The following TUBA4B variants were observed in gnomAD, a reference collection of about 807,000 sequenced individuals.
The protein encoded by TUBA4B is tubulin alpha 4b.
In TUBA4B, 13 loss-of-function variants were observed where a neutral mutation model predicts 18.4. The ratio of observed to expected loss-of-function variants is 0.71; its 90% CI spans 0.46 to 1.12. The LOEUF (loss-of-function observed/expected upper bound fraction) is 1.12, where lower values mean the gene tolerates loss of function less well. Among genes scored for constraint, TUBA4B ranks in the 50% most tolerant of loss-of-function variants. The pLI, the probability that TUBA4B is intolerant of heterozygous loss-of-function variation, is 0.00. For missense variants in TUBA4B, 244 were observed against 250.0 expected, an observed-to-expected ratio of 0.98 and a Z score of 0.16; for synonymous variants, 101 against 99.1, an observed-to-expected ratio of 1.02 and a Z score of -0.11.
At position 219,271,217 on chromosome 2, in the gene TUBA4B, C is replaced by T. The variant is rs771380611; in HGVS notation, c.244C>T (p.Arg82Trp). The change falls in exon 4 of 4, where the codon CGG becomes TGG. Residue 82 changes from arginine (R) to tryptophan (W), a missense_variant. Arg to Trp is a moderately radical substitution (Grantham distance 101). Transcript: ENST00000490341. ...CTTCCTGGTGTTCCACAGCCTTGGT[C>T]GGGGCACTGGCTCTGACGTCACCTC... is the stretch of plus-strand genomic sequence containing the variant. ...QGFLVFHSLG[R>W]GTGSDVTSFL... is the part of the protein sequence containing the mutation. 4.5e-5 allele frequency: 52 copies of T among 1,159,740 alleles called. No homozygotes were observed. Among genetic ancestry groups the T allele is most frequent in the African/African-American group, 3.3e-4 (22 of 66,354 alleles). 71.8% of individuals were successfully genotyped at this position (1,159,740 alleles called of 1,614,324 possible). A position where few individuals can be genotyped will look rare whatever the true frequency, so the allele number is the denominator to read the frequency against.
At chr2:219,271,121 A>G in intron 3 of TUBA4B, 45 bp from the exon 4 acceptor site, 2 of 687,308 alleles carry the variant, frequency 2.9e-6, no homozygotes, top group South Asian at 3.5e-5. Context: ...CCTGTCCATC[A>G]GCTGTGCTCC....
At chr2:219,264,772 T>C (rs969872821) in intron 1 of TUBA4B, among the ~76,000 whole-genome samples, 3 of 152,166 alleles carry the variant, frequency 2.0e-5, no homozygotes, top group African/African-American at 7.2e-5. Context: ...TTCTGGAACC[T>C]TCTCTTTAAT....
At chr2:219,264,459 C>CA (rs36027298) in intron 1 of TUBA4B, among the ~76,000 whole-genome samples, 6,411 of 78,678 alleles carry the variant, frequency 0.081, 269 homozygotes, top group African/African-American at 0.15. Context: ...GGCCCTGTCT[C>CA]AAAAAAAAAA....
chr2:219,259,304 A>G (rs1951745737), intron 1 of TUBA4B, among the ~76,000 whole-genome samples: 1 of 147,210 alleles, frequency 6.8e-6, no homozygotes, highest in Admixed American at 6.8e-5. Context: ...GGGCAATAAC[A>G]GCAAGACTCT....
intron 1 of TUBA4B, among the ~76,000 whole-genome samples, chr2:219,259,151 TAAA>T (rs1951743327): frequency 6.7e-6 from 1 of 148,388 alleles, no homozygotes; most frequent in African/African-American, 2.5e-5. Flanking sequence ...AATAAATAAA[TAAA>T]TAAATAAATA....
At position 219,271,952 on chromosome 2, in the gene TUBA4B, G is replaced by A. The variant is rs1951830338; in HGVS notation, c.*253G>A. 6.6e-7 allele frequency: 1 copy of A among 1,518,804 alleles called. No individual in the cohort carries two copies. 94.1% of individuals were successfully genotyped at this position (1,518,804 alleles called of 1,614,324 possible). ...ACATGACAGCCATCACTATGGCCTG[G>A]GCCCGCCTGGACCACAAGTTTGACC... is the stretch of plus-strand genomic sequence containing the variant. On this transcript the variant is annotated 3_prime_UTR_variant, in exon 4 of 4. Coordinates refer to ENST00000490341, the MANE Select transcript of TUBA4B (RefSeq NM_001355221.1).
chr2:219,266,316 C>T, intron 1 of TUBA4B: 1 of 562,888 alleles, frequency 1.8e-6, no homozygotes, highest in East Asian at 3.0e-5. Flanking sequence ...GCCCTGGCCC[C>T]TCCTCTGCCC....
intron 1 of TUBA4B, 103 bp downstream of exon 1, chr2:219,253,522 G>C: frequency 9.8e-7 from 1 of 1,025,084 alleles, no homozygotes; most frequent in Non-Finnish European, 1.5e-6. Context: ...GTCTTCTTTT[G>C]CCCGCGGAAA....
chr2:219,266,670 G>T (rs1951792117), intron 2 of TUBA4B, 104 bp downstream of exon 2: 3 of 666,320 alleles, frequency 4.5e-6, no homozygotes, highest in African/African-American at 1.8e-5. Context: ...TGGTGATGGG[G>T]CTACAGTATG....
chr2:219,253,559 TC>T, intron 1 of TUBA4B, 140 bp downstream of exon 1: 1 of 778,230 alleles, frequency 1.3e-6, no homozygotes, highest in Non-Finnish European at 2.2e-6. Context: ...CGCGTGACTC[TC>T]ATACAGAGTC....
chr2:219,270,624 G>A (rs186343542), intron 3 of TUBA4B, among the ~76,000 whole-genome samples: 11 of 145,300 alleles, frequency 7.6e-5, no homozygotes, highest in African/African-American at 2.8e-4. Flanking sequence ...TTCCATAAGC[G>A]TTCCCAGAAT....
chr2:219,257,087 A>G (rs1346141745), intron 1 of TUBA4B, among the ~76,000 whole-genome samples: 2 of 119,678 alleles, frequency 1.7e-5, no homozygotes, highest in African/African-American at 6.5e-5. Flanking sequence ...ACTGTTGCCC[A>G]GGCTGGAGTA....
chr2:219,253,671 A>T (rs556273927), intron 1 of TUBA4B, among the ~76,000 whole-genome samples: 1 of 152,284 alleles, frequency 6.6e-6, no homozygotes, highest in East Asian at 1.9e-4. Flanking sequence ...CCAGCCACCG[A>T]AGGTGAACTA....
chr2:219,267,801 G>A (rs1951799672), intron 2 of TUBA4B, among the ~76,000 whole-genome samples: 2 of 152,276 alleles, frequency 1.3e-5, no homozygotes, highest in South Asian at 4.1e-4. Flanking sequence ...CTGACCTTGT[G>A]ATCTGCCCAC....
intron 1 of TUBA4B, among the ~76,000 whole-genome samples, chr2:219,255,068 T>C (rs563304758): frequency 6.6e-6 from 1 of 152,148 alleles, no homozygotes; most frequent in East Asian, 1.9e-4. Flanking sequence ...CTCTCTCTTT[T>C]GAGTCAGTGT....
Position 219,272,171 on chromosome 2 carries a change from A to G in TUBA4B, c.*472A>G, listed in dbSNP as rs1259883718. 1.8e-6 allele frequency: 1 copy of G among 566,046 alleles called. No homozygotes were observed. The highest frequency in any genetic ancestry group is 2.6e-5 in the Admixed American group (1 of 38,906). 35.1% of individuals were successfully genotyped at this position (566,046 alleles called of 1,614,324 possible). On this transcript the variant is annotated 3_prime_UTR_variant, in exon 4 of 4. Coordinates refer to ENST00000490341, the MANE Select transcript of TUBA4B (RefSeq NM_001355221.1). ...GGGGAATACTGTGTGTCTGTCCTAC[A>G]TAAAGTGCTGTGGCCTTATTGTCTC...
intron 2 of TUBA4B, 36 bp from the exon 3 acceptor site, chr2:219,270,166 C>G: frequency 1.4e-6 from 1 of 707,282 alleles, no homozygotes; most frequent in East Asian, 2.6e-5. Flanking sequence ...GAGGTGGGGC[C>G]CAAAACTCTG....
intron 1 of TUBA4B, among the ~76,000 whole-genome samples, chr2:219,258,086 C>G (rs1951733768): frequency 6.7e-6 from 1 of 149,862 alleles, no homozygotes; most frequent in South Asian, 2.1e-4. Flanking sequence ...CTCCACCTAC[C>G]AGGTTCAAGC....
At chr2:219,267,388 G>A (rs1951796647) in intron 2 of TUBA4B, among the ~76,000 whole-genome samples, 1 of 152,108 alleles carries the variant, frequency 6.6e-6, no homozygotes, top group Admixed American at 6.5e-5. Flanking sequence ...CCTTCACCTG[G>A]CACCTTATTA....
Sources: gnomAD v4.1 joint callset for allele counts (sites outside exome capture counted in the v4.1 genomes callset) on GRCh38, gnomAD v4.1.1 for gene constraint, MANE v1.5 for transcripts, NCBI Gene and HGNC (gene_info 2026-07-23, HGNC 2026-07-21) for gene names.